MYO1B: variants seen among roughly 807,000 people sequenced by gnomAD.
The protein encoded by MYO1B is myosin IB, also known as unconventional myosin-Ib.
A neutral mutation model predicts 159.7 loss-of-function variants in MYO1B; 72 were observed. The ratio of observed to expected loss-of-function variants is 0.45; its 90% CI spans 0.37 to 0.55. The LOEUF (loss-of-function observed/expected upper bound fraction) is 0.55, where lower values mean the gene tolerates loss of function less well. Ranked by LOEUF, MYO1B falls within the 20% of genes least tolerant of loss-of-function variation. The probability of loss-of-function intolerance (pLI) is 0.00; values close to 1 mark genes in which losing one functional copy is unlikely to be tolerated. For missense variants in MYO1B, 1,062 were observed against 1,364.8 expected (o/e 0.78, Z 3.50); for synonymous variants, 468 against 473.8 (o/e 0.99, Z 0.16).
intron 28 of MYO1B, 39 bp from the exon 29 acceptor site, chr2:191,414,478 G>A: frequency 6.5e-7 from 1 of 1,547,548 alleles, no homozygotes; most frequent in Non-Finnish European, 8.7e-7. Flanking sequence ...TTGAGTATTT[G>A]TGATCATTGG....
chr2:191,384,524 A>G (rs1169841486), intron 15 of MYO1B, among the ~76,000 whole-genome samples: 2 of 152,218 alleles, frequency 1.3e-5, no homozygotes, highest in Admixed American at 6.5e-5. Context: ...AATAAGAAAT[A>G]AACTGTGTTT....
intron 3 of MYO1B, among the ~76,000 whole-genome samples, chr2:191,305,775 A>G (rs1689615810): frequency 6.6e-6 from 1 of 152,188 alleles, no homozygotes; most frequent in South Asian, 2.1e-4. Flanking sequence ...GAGTCTGAGA[A>G]TGAGCAGTAA....
intron 1 of MYO1B, chr2:191,246,202 C>T (rs1054669275): frequency 7.9e-5 from 12 of 152,082 alleles, no homozygotes; most frequent in African/African-American, 2.9e-4. Flanking sequence ...CCCTGGGTCT[C>T]GTTTCCTGCC....
At chr2:191,362,701 G>T (rs1438003555) in intron 9 of MYO1B, among the ~76,000 whole-genome samples, 1 of 152,008 alleles carries the variant, frequency 6.6e-6, no homozygotes, top group East Asian at 1.9e-4. Context: ...ACTGCCCTTG[G>T]ATCATGTTAA....
intron 3 of MYO1B, among the ~76,000 whole-genome samples, chr2:191,315,534 G>C (rs1157867948): frequency 1.3e-5 from 2 of 152,190 alleles, no homozygotes; most frequent in Non-Finnish European, 2.9e-5. Flanking sequence ...TACTGAACTT[G>C]AACTTTTCAT....
chr2:191,334,117 GTT>G (rs35981729), intron 4 of MYO1B, among the ~76,000 whole-genome samples: 7 of 146,286 alleles, frequency 4.8e-5, no homozygotes, highest in Admixed American at 6.8e-5. Context: ...GTGACTAACG[GTT>G]TTTTTTTTTT....
chr2:191,348,081 G>T (rs1234921736), intron 6 of MYO1B, among the ~76,000 whole-genome samples: 2 of 152,142 alleles, frequency 1.3e-5, no homozygotes, highest in African/African-American at 2.4e-5. Context: ...TTTCTGAGTG[G>T]ACTAGTGACA....
intron 1 of MYO1B, among the ~76,000 whole-genome samples, chr2:191,262,313 C>T (rs1290719192): frequency 6.6e-6 from 1 of 152,144 alleles, no homozygotes; most frequent in African/African-American, 2.4e-5. Flanking sequence ...CCAGCTGGCC[C>T]ACTTTTATGC....
chr2:191,319,563 G>C (rs560219328), intron 3 of MYO1B, among the ~76,000 whole-genome samples: 1 of 152,236 alleles, frequency 6.6e-6, no homozygotes, highest in Non-Finnish European at 1.5e-5. Flanking sequence ...TTTTATCTCT[G>C]TTACAAATTT....
At chr2:191,260,253 G>GTTTTTTTTTTTTTTTT (rs1256549425) in intron 1 of MYO1B, among the ~76,000 whole-genome samples, 3 of 22,616 alleles carry the variant, frequency 1.3e-4, no homozygotes, top group Non-Finnish European at 7.8e-4. Context: ...TCCCAGATAG[G>GTTTTTTTTTTTTTTTT]CTTTTTTTTT....
intron 29 of MYO1B, among the ~76,000 whole-genome samples, chr2:191,415,816 A>G (rs1697528406): frequency 6.6e-6 from 1 of 152,178 alleles, no homozygotes; most frequent in Non-Finnish European, 1.5e-5. Context: ...TTGTGGTTTC[A>G]TATTCACTGG....
At chr2:191,258,872 G>T (rs1686623916) in intron 1 of MYO1B, among the ~76,000 whole-genome samples, 1 of 152,210 alleles carries the variant, frequency 6.6e-6, no homozygotes, top group Non-Finnish European at 1.5e-5. Flanking sequence ...AAAGGTATAG[G>T]TAAAATGTTA....
At chr2:191,348,630 T>C (rs1011462352) in intron 6 of MYO1B, among the ~76,000 whole-genome samples, 1 of 152,264 alleles carries the variant, frequency 6.6e-6, no homozygotes, top group Admixed American at 6.5e-5. Context: ...AACCTGGGCC[T>C]GTTCCTGTGA....
At chr2:191,350,029 A>G in intron 6 of MYO1B, 133 bp from the exon 7 acceptor site, 2 of 679,182 alleles carry the variant, frequency 2.9e-6, no homozygotes, top group South Asian at 1.8e-5. Context: ...TCGTGGTTAT[A>G]TAAACTGTGT....
At chr2:191,247,645 T>G (rs539233193) in intron 1 of MYO1B, among the ~76,000 whole-genome samples, 288 of 152,382 alleles carry the variant, frequency 1.9e-3, no homozygotes, top group Admixed American at 7.1e-3. Flanking sequence ...TTGTTGTTGT[T>G]GTCTTACCAT....
At chr2:191,250,096 T>C (rs1225701310) in intron 1 of MYO1B, among the ~76,000 whole-genome samples, 1 of 152,210 alleles carries the variant, frequency 6.6e-6, no homozygotes, top group Non-Finnish European at 1.5e-5. Context: ...AGGAAATCCA[T>C]TGTGCTTTCA....
intron 13 of MYO1B, among the ~76,000 whole-genome samples, 163 bp downstream of exon 13, chr2:191,370,455 G>T (rs1414185525): frequency 1.3e-5 from 2 of 152,076 alleles, no homozygotes; most frequent in Non-Finnish European, 2.9e-5. Flanking sequence ...ACAAATCTTT[G>T]TGTAGATGTA....
In MYO1B at chr2:191,383,285, A is replaced by C. The variant is rs199858628; in HGVS notation, c.1296A>C (p.Ile432=). The change falls in exon 15 of 31, where the codon ATA becomes ATC. Residue 432 remains isoleucine (I), a synonymous_variant. Coordinates refer to ENST00000392318, the MANE Select transcript of MYO1B (RefSeq NM_001130158.3). The part of the protein sequence containing the change: ...EEQEEYIRED[I]EWTHIDYFNN... ...TGTTCTGTTTTGTCTTTTAGGATATAGAATGGACTCACATTGACTACTTCA... is the reference window on the plus strand; with the variant it reads ...TGTTCTGTTTTGTCTTTTAGGATATCGAATGGACTCACATTGACTACTTCA... 2.0e-5 allele frequency: 32 copies of C among 1,575,464 alleles called. No individual in the cohort carries two copies. Among genetic ancestry groups the C allele is most frequent in the Admixed American group, 1.8e-5 (1 of 54,296 alleles).
intron 5 of MYO1B, among the ~76,000 whole-genome samples, chr2:191,342,788 A>G (rs932105316): frequency 6.6e-6 from 1 of 152,208 alleles, no homozygotes; most frequent in Non-Finnish European, 1.5e-5. Context: ...TGGAGTTTGC[A>G]GTGAGCCAAG....
Sources: gnomAD v4.1 joint callset for allele counts (sites outside exome capture counted in the v4.1 genomes callset) on GRCh38, gnomAD v4.1.1 for gene constraint, MANE v1.5 for transcripts, NCBI Gene and HGNC (gene_info 2026-07-23, HGNC 2026-07-21) for gene names.